GREB1L: variants seen among roughly 807,000 people sequenced by gnomAD.
GREB1L encodes the protein GREB1-like protein.
Under a neutral mutation model 200.8 loss-of-function variants are expected in GREB1L, and 17 were observed. The observed-to-expected ratio is 0.08, with a 90% confidence interval of 0.06 to 0.13. The LOEUF (loss-of-function observed/expected upper bound fraction) is 0.13. GREB1L is among the 10% of genes least tolerant of loss of function. The pLI, the probability that GREB1L is intolerant of heterozygous loss-of-function variation, is 1.00. For synonymous variants in GREB1L, 789 were observed against 893.0 expected (o/e 0.88, Z 2.08); for missense variants, 1,657 against 2,367.7 (o/e 0.70, Z 6.23).
intron 1 of GREB1L, chr18:21,317,569 C>G (rs2038890705): frequency 6.6e-6 from 1 of 151,328 alleles, no homozygotes; most frequent in Non-Finnish European, 1.5e-5. Context: ...CACCACTGCA[C>G]TCCAGCCTGG....
chr18:21,475,119 A>G (rs1253969886), intron 16 of GREB1L, among the ~76,000 whole-genome samples: 1 of 152,180 alleles, frequency 6.6e-6, no homozygotes, highest in African/African-American at 2.4e-5. Flanking sequence ...GCTTCATTAG[A>G]GAAAGGACAG....
At chr18:21,259,068 T>C (rs2037848356) in intron 1 of GREB1L, among the ~76,000 whole-genome samples, 1 of 152,176 alleles carries the variant, frequency 6.6e-6, no homozygotes, top group South Asian at 2.1e-4. Flanking sequence ...TTAGATACTG[T>C]TGCATGGGAG....
intron 7 of GREB1L, among the ~76,000 whole-genome samples, chr18:21,406,385 A>G (rs2030238185): frequency 6.6e-6 from 1 of 152,220 alleles, no homozygotes; most frequent in Non-Finnish European, 1.5e-5. Flanking sequence ...GTGAGGATGT[A>G]AGTGGTAATT....
At chr18:21,278,933 A>G (rs2144404365) in intron 1 of GREB1L, among the ~76,000 whole-genome samples, 1 of 152,310 alleles carries the variant, frequency 6.6e-6, no homozygotes, top group Non-Finnish European at 1.5e-5. Flanking sequence ...TAGTTCCTAT[A>G]CATCTGAACA....
intron 5 of GREB1L, among the ~76,000 whole-genome samples, chr18:21,399,831 A>G (rs1462075249): frequency 6.6e-6 from 1 of 152,206 alleles, no homozygotes; most frequent in African/African-American, 2.4e-5. Flanking sequence ...AATCATAACA[A>G]ATTGGACTTC....
intron 7 of GREB1L, among the ~76,000 whole-genome samples, chr18:21,430,720 G>A (rs192299001): frequency 0.014 from 2,041 of 149,500 alleles, 16 homozygotes; most frequent in Non-Finnish European, 0.022. Flanking sequence ...CCTCAGCCTC[G>A]GGAGTAGATG....
rs941006458 is a variant in GREB1L at position 21,360,741 on chromosome 18, G to A, written c.-119-5286G>A. Among the ~76,000 whole-genome samples the A allele has an allele frequency of 3.3e-5, 5 of 152,150 alleles. No individual in the cohort carries two copies. In the East Asian group the frequency reaches 5.8e-4, roughly 18 times the overall value. On this transcript the variant is annotated intron_variant, in intron 1 of 32. Coordinates refer to ENST00000424526, the MANE Select transcript of GREB1L (RefSeq NM_001142966.3). ...TTAAATAAAACAAAAAATTGAATAC[G>A]TAGAGAAAAGGTTATACATGCTTTT...
At chr18:21,476,992 A>G (rs1227431581) in intron 16 of GREB1L, among the ~76,000 whole-genome samples, 172 bp from the exon 17 acceptor site, 1 of 152,226 alleles carries the variant, frequency 6.6e-6, no homozygotes, top group Non-Finnish European at 1.5e-5. Flanking sequence ...GTCTGAAAAG[A>G]AGGAATGTAA....
chr18:21,468,046 C>T (rs867010643), intron 15 of GREB1L, among the ~76,000 whole-genome samples: 74 of 147,594 alleles, frequency 5.0e-4, no homozygotes, highest in African/African-American at 1.8e-3. Flanking sequence ...AAAAAAGATA[C>T]GAAATGAGAG....
At position 21,242,310 on chromosome 18, in the gene GREB1L, A is replaced by T. The variant is rs2037508009; in HGVS notation, c.-203A>T. On this transcript the variant is annotated 5_prime_UTR_variant, in exon 1 of 33. Transcript: ENST00000424526. Reference sequence around the variant, plus strand: ...CAGCGGAGCGCAGCGCGGCGCAGGGAACGGCACTGGGGGTGGGGAGACCAG... The same window carrying T: ...CAGCGGAGCGCAGCGCGGCGCAGGGTACGGCACTGGGGGTGGGGAGACCAG... 1 of 152,020 alleles carries T rather than the reference A, an allele frequency of 6.6e-6. No individual in the cohort carries two copies. 9.4% of individuals were successfully genotyped at this position (152,020 alleles called of 1,614,324 possible). A position where few individuals can be genotyped will look rare whatever the true frequency, so the allele number is the denominator to read the frequency against.
intron 15 of GREB1L, among the ~76,000 whole-genome samples, chr18:21,470,922 C>T (rs1208062582): frequency 3.9e-5 from 6 of 152,048 alleles, no homozygotes; most frequent in Admixed American, 3.3e-4. Flanking sequence ...AAGTCTATAA[C>T]ACAATTTAAA....
chr18:21,490,498 C>A, intron 19 of GREB1L, 147 bp downstream of exon 19: 1 of 708,706 alleles, frequency 1.4e-6, no homozygotes, highest in Non-Finnish European at 2.3e-6. Flanking sequence ...GGGACATATT[C>A]ACTTTCTTAA....
At chr18:21,301,425 A>G (rs1279761080) in intron 1 of GREB1L, among the ~76,000 whole-genome samples, 1 of 152,096 alleles carries the variant, frequency 6.6e-6, no homozygotes, top group Non-Finnish European at 1.5e-5. Context: ...GAGCCCAGTT[A>G]CCCCTTCCCA....
intron 15 of GREB1L, among the ~76,000 whole-genome samples, chr18:21,460,045 A>G (rs1183058283): frequency 6.6e-6 from 1 of 152,106 alleles, no homozygotes; most frequent in Non-Finnish European, 1.5e-5. Flanking sequence ...GATGTTCCCA[A>G]TTTCAGGCCA....
chr18:21,446,399 A>T (rs1227121058), intron 11 of GREB1L, among the ~76,000 whole-genome samples: 1 of 152,230 alleles, frequency 6.6e-6, no homozygotes, highest in Non-Finnish European at 1.5e-5. Flanking sequence ...AAAATAAGAT[A>T]TCTTTTCTTA....
At chr18:21,501,684 C>T (rs1370596335) in intron 23 of GREB1L, among the ~76,000 whole-genome samples, 1 of 152,162 alleles carries the variant, frequency 6.6e-6, no homozygotes, top group Non-Finnish European at 1.5e-5. Flanking sequence ...GGATCCAGGG[C>T]ATATTTGTAT....
At chr18:21,369,833 C>A (rs2039805959) in intron 2 of GREB1L, among the ~76,000 whole-genome samples, 1 of 151,496 alleles carries the variant, frequency 6.6e-6, no homozygotes, top group Non-Finnish European at 1.5e-5. Flanking sequence ...CCTGTAATCT[C>A]AGCTACTCAG....
At chr18:21,304,936 C>T (rs1212816884) in intron 1 of GREB1L, among the ~76,000 whole-genome samples, 1 of 152,048 alleles carries the variant, frequency 6.6e-6, no homozygotes, top group Non-Finnish European at 1.5e-5. Context: ...AGAGGCCTTT[C>T]CTGAACATCT....
At chr18:21,263,072 C>T (rs2037914247) in intron 1 of GREB1L, among the ~76,000 whole-genome samples, 2 of 152,172 alleles carry the variant, frequency 1.3e-5, no homozygotes, top group South Asian at 4.1e-4. Flanking sequence ...ACTGAAAGTG[C>T]TGCCTGCATC....
Sources: gnomAD v4.1 joint callset for allele counts (sites outside exome capture counted in the v4.1 genomes callset) on GRCh38, gnomAD v4.1.1 for gene constraint, MANE v1.5 for transcripts, NCBI Gene and HGNC (gene_info 2026-07-23, HGNC 2026-07-21) for gene names.